Variants in CTIF observed in about 807,000 individuals in gnomAD.
The protein encoded by CTIF is cap binding complex dependent translation initiation factor, also known as CBP80/20-dependent translation initiation factor.
A neutral mutation model predicts 66.0 loss-of-function variants in CTIF; 21 were observed. The ratio of observed to expected loss-of-function variants is 0.32; its 90% CI spans 0.23 to 0.46. The LOEUF (loss-of-function observed/expected upper bound fraction) is 0.46, where lower values mean the gene tolerates loss of function less well. Ranked by LOEUF, CTIF falls within the 20% of genes least tolerant of loss-of-function variation. CTIF has a pLI of 1.00. For missense variants in CTIF, 739 were observed against 812.7 expected, an observed-to-expected ratio of 0.91 and a Z score of 1.10; for synonymous variants, 345 against 326.4, an observed-to-expected ratio of 1.06 and a Z score of -0.62.
At chr18:48,645,098 T>C (rs556499023) in intron 3 of CTIF, among the ~76,000 whole-genome samples, 189 of 152,036 alleles carry the variant, frequency 1.2e-3, no homozygotes, top group Non-Finnish European at 2.3e-3. Flanking sequence ...TCCTGCTAAA[T>C]ACAACTAAAA....
At chr18:48,822,499 A>AC (rs2068503891) in intron 10 of CTIF, among the ~76,000 whole-genome samples, 1 of 64,842 alleles carries the variant, frequency 1.5e-5, no homozygotes, top group Non-Finnish European at 3.1e-5. Flanking sequence ...CCCCACCCCC[A>AC]CCCCCAACAC....
At chr18:48,614,298 T>C (rs1330382268) in intron 1 of CTIF, among the ~76,000 whole-genome samples, 1 of 152,126 alleles carries the variant, frequency 6.6e-6, no homozygotes, top group African/African-American at 2.4e-5. Context: ...CAGAGAAAGC[T>C]CTACCCTTTT....
chr18:48,667,700 CTGTGGGCCTAA>C (rs1260842127), intron 5 of CTIF, among the ~76,000 whole-genome samples: 14 of 152,356 alleles, frequency 9.2e-5, no homozygotes, highest in Admixed American at 3.3e-4. Context: ...GTGTCACCAG[CTGTGGGCCTAA>C]ATTCCTCGGC....
chr18:48,627,384 G>A (rs979990623), intron 2 of CTIF, among the ~76,000 whole-genome samples: 6 of 152,124 alleles, frequency 3.9e-5, no homozygotes, highest in African/African-American at 1.4e-4. Flanking sequence ...AGAAGGTGAT[G>A]AATGCATGAG....
At chr18:48,546,791 G>A (rs545030670) in intron 1 of CTIF, among the ~76,000 whole-genome samples, 47 of 152,338 alleles carry the variant, frequency 3.1e-4, no homozygotes, top group Non-Finnish European at 5.3e-4. Context: ...GGACTAGACA[G>A]CAGCCCGTCC....
In CTIF at chr18:48,594,705, C is replaced by A. The variant is rs996366797; in HGVS notation, c.-28-24833C>A. ...ATGCACCCACAGCAGATAACTGTCC[C>A]CCTCCTGTGCCCATCCTGAAGCTGG... On this transcript the variant is annotated intron_variant, in intron 1 of 11. Coordinates refer to ENST00000256413, the MANE Select transcript of CTIF (RefSeq NM_014772.3). Among the ~76,000 whole-genome samples the A allele has an allele frequency of 3.9e-5, 6 of 152,348 alleles. 1 individual carries two copies. In the South Asian group the frequency reaches 1.2e-3, roughly 32 times the overall value.
chr18:48,586,111 G>A (rs143216884), intron 1 of CTIF, among the ~76,000 whole-genome samples: 14 of 152,086 alleles, frequency 9.2e-5, no homozygotes, highest in African/African-American at 3.1e-4. Context: ...AATGTCAAAG[G>A]CATCTTTGGT....
At chr18:48,758,526 A>G in intron 8 of CTIF, 121 bp downstream of exon 8, 4 of 1,252,024 alleles carry the variant, frequency 3.2e-6, no homozygotes, top group Non-Finnish European at 4.4e-6. Context: ...AGCCATGTAC[A>G]GGGAAGCAGG....
chr18:48,655,271 C>T (rs2091226898), intron 3 of CTIF, among the ~76,000 whole-genome samples: 1 of 144,502 alleles, frequency 6.9e-6, no homozygotes, highest in Non-Finnish European at 1.5e-5. Flanking sequence ...CACCACTGCA[C>T]TCCAGCCTGG....
At chr18:48,763,429 C>G (rs929717068) in intron 9 of CTIF, among the ~76,000 whole-genome samples, 1 of 152,242 alleles carries the variant, frequency 6.6e-6, no homozygotes, top group Non-Finnish European at 1.5e-5. Context: ...AAAGGGGGCC[C>G]TATGGCCCCT....
At chr18:48,738,124 C>T (rs1226632646) in intron 7 of CTIF, among the ~76,000 whole-genome samples, 1 of 152,204 alleles carries the variant, frequency 6.6e-6, no homozygotes, top group Admixed American at 6.5e-5. Flanking sequence ...TGAGGCCAGA[C>T]ACCTTGCAGA....
intron 10 of CTIF, among the ~76,000 whole-genome samples, chr18:48,843,443 C>T (rs985857469): frequency 1.3e-5 from 2 of 152,132 alleles, no homozygotes; most frequent in African/African-American, 4.8e-5. Flanking sequence ...TTCTGATCTC[C>T]TGTGATGATA....
chr18:48,593,444 G>A (rs1455201776), intron 1 of CTIF, among the ~76,000 whole-genome samples: 2 of 150,096 alleles, frequency 1.3e-5, no homozygotes, highest in Non-Finnish European at 3.0e-5. Context: ...GCAGTGGCGC[G>A]ATCTCGGCTC....
chr18:48,857,544 G>T, intron 10 of CTIF, 44 bp from the exon 11 acceptor site: 4 of 1,570,318 alleles, frequency 2.5e-6, no homozygotes, highest in Non-Finnish European at 3.5e-6. Flanking sequence ...CCCAGTAGCC[G>T]GCATGTCTCC....
chr18:48,668,174 C>G (rs1049987591), intron 5 of CTIF, among the ~76,000 whole-genome samples: 1 of 152,248 alleles, frequency 6.6e-6, no homozygotes, highest in Non-Finnish European at 1.5e-5. Flanking sequence ...TGCCCACCCC[C>G]AGGGGCGCTG....
chr18:48,583,962 G>T (rs1255667594), intron 1 of CTIF, among the ~76,000 whole-genome samples: 1 of 152,200 alleles, frequency 6.6e-6, no homozygotes, highest in Non-Finnish European at 1.5e-5. Context: ...ACGGTTTCAT[G>T]ATTCTTGTCT....
intron 7 of CTIF, among the ~76,000 whole-genome samples, chr18:48,754,787 G>T (rs1908180777): frequency 1.3e-5 from 2 of 152,242 alleles, no homozygotes; most frequent in Non-Finnish European, 2.9e-5. Context: ...CTTGGCCATT[G>T]CTATATTGTC....
intron 6 of CTIF, among the ~76,000 whole-genome samples, chr18:48,685,518 C>T (rs534657700): frequency 2.6e-5 from 4 of 152,196 alleles, no homozygotes; most frequent in African/African-American, 4.8e-5. Flanking sequence ...CCACCACTCT[C>T]GGCTGAGTAT....
chr18:48,645,471 G>T (rs895451790), intron 3 of CTIF, among the ~76,000 whole-genome samples: 1 of 152,108 alleles, frequency 6.6e-6, no homozygotes, highest in African/African-American at 2.4e-5. Flanking sequence ...TCCCAGCCAA[G>T]ACCAAGTGGG....
Sources: gnomAD v4.1 joint callset for allele counts (sites outside exome capture counted in the v4.1 genomes callset) on GRCh38, gnomAD v4.1.1 for gene constraint, MANE v1.5 for transcripts, NCBI Gene and HGNC (gene_info 2026-07-23, HGNC 2026-07-21) for gene names.